FGFR3: variants seen among roughly 807,000 people sequenced by gnomAD.
FGFR3 encodes FGFR-3.
A neutral mutation model predicts 82.9 loss-of-function variants in FGFR3; 25 were observed. The ratio of observed to expected loss-of-function variants is 0.30; its 90% CI spans 0.22 to 0.42. The LOEUF (loss-of-function observed/expected upper bound fraction) is 0.42. Ranked by LOEUF, FGFR3 falls within the 10% of genes least tolerant of loss-of-function variation. The pLI is 1.00. For missense variants in FGFR3, 1,026 were observed against 1,161.0 expected, an observed-to-expected ratio of 0.88 and a Z score of 1.69; for synonymous variants, 620 against 516.0, an observed-to-expected ratio of 1.20 and a Z score of -2.73.
chr4:1,800,742 A>T (rs1436233485), intron 4 of FGFR3, among the ~76,000 whole-genome samples: 2 of 152,016 alleles, frequency 1.3e-5, no homozygotes, highest in Non-Finnish European at 2.9e-5. Context: ...CCTTGCCTGG[A>T]GTCCCGGCAG....
chr4:1,796,040 G>C (rs1470824380), intron 2 of FGFR3, among the ~76,000 whole-genome samples: 2 of 152,166 alleles, frequency 1.3e-5, no homozygotes, highest in Non-Finnish European at 2.9e-5. Context: ...AGCTGAGCTT[G>C]AGTGGGAGCC....
rs2108814105 is a variant in FGFR3, at chr4:1,806,838, C to A, written c.2178C>A (p.Ile726=). 1.9e-6 allele frequency: 3 copies of A among 1,608,018 alleles called. No individual in the cohort carries two copies. The highest frequency in any genetic ancestry group is 2.5e-6 in the Non-Finnish European group (3 of 1,178,094). ...AGCGCCCTGCCCGCAGGTACATGAT[C>A]ATGCGGGAGTGCTGGCATGCCGCGC... The part of the protein sequence containing the change: ...PANCTHDLYM[I]MRECWHAAPS... The change falls in exon 17 of 18, where the codon ATC becomes ATA. Residue 726 remains isoleucine (I), a synonymous_variant. Coordinates refer to ENST00000440486, the MANE Select transcript of FGFR3 (RefSeq NM_000142.5).
chr4:1,804,698 A>G (rs952602289), intron 9 of FGFR3, 126 bp from the exon 10 acceptor site: 2 of 1,432,756 alleles, frequency 1.4e-6, no homozygotes, highest in East Asian at 2.5e-5. Context: ...GAAACATTCT[A>G]AAAATCTTCA....
chr4:1,804,746 G>A (rs956976113), intron 9 of FGFR3, 78 bp from the exon 10 acceptor site: 1 of 1,532,210 alleles, frequency 6.5e-7, no homozygotes. Context: ...CCCCCTTCTG[G>A]CCCAGCACTG....
Position 1,807,594 on chromosome 4 carries a change from G to C in FGFR3, c.*332G>C. The C allele has an allele frequency of 1.5e-6, 1 of 679,836 alleles. No individual in the cohort carries two copies. Among genetic ancestry groups the C allele is most frequent in the Non-Finnish European group, 2.8e-6 (1 of 361,852 alleles). The allele number at this position is 679,836 out of a possible 1,614,324, so 42.1% of individuals were successfully genotyped here. ...GGCCCACCCGGTGGGACCCCCGTGG[G>C]GCAGGGAGCTGGGCCCGACATGGCT... On this transcript the variant is annotated 3_prime_UTR_variant, in exon 18 of 18. Coordinates refer to ENST00000440486, the MANE Select transcript of FGFR3 (RefSeq NM_000142.5).
At chr4:1,806,425 C>T (rs1044844519) in intron 15 of FGFR3, 98 bp downstream of exon 15, 1 of 1,604,116 alleles carries the variant, frequency 6.2e-7, no homozygotes, top group Non-Finnish European at 8.5e-7. Context: ...CCTGGAGCTC[C>T]TGGGTGTGGT....
chr4:1,801,799 G>A (rs750160092), intron 6 of FGFR3, 36 bp from the exon 7 acceptor site: 4 of 1,598,034 alleles, frequency 2.5e-6, no homozygotes, highest in East Asian at 2.3e-5. Flanking sequence ...GGTGGTGAGG[G>A]AGGGGGTGGC....
At chr4:1,801,219 G>C in intron 4 of FGFR3, 148 bp from the exon 5 acceptor site, 1 of 850,988 alleles carries the variant, frequency 1.2e-6, no homozygotes. Flanking sequence ...AGATGTGGAG[G>C]CTCCTGGGAA....
Position 1,801,677 on chromosome 4 carries a change from A to G in FGFR3, c.673A>G (p.Asn225Asp). 1 of 1,611,432 alleles carries G rather than the reference A, an allele frequency of 6.2e-7. No individual in the cohort carries two copies. The highest frequency in any genetic ancestry group is 8.5e-7 in the Non-Finnish European group (1 of 1,179,370). The change falls in exon 6 of 18, where the codon AAC becomes GAC. Residue 225 changes from asparagine to aspartate, a missense_variant. Transcript: ENST00000440486. ...AAGCGTGGTGCCCTCGGACCGCGGC[A>G]ACTACACCTGCGTCGTGGAGAACAA... Reference protein sequence around the residue: ...MESVVPSDRGNYTCVVENKFG... With the variant: ...MESVVPSDRGDYTCVVENKFG...
chr4:1,805,993 C>T (rs1721863102), intron 13 of FGFR3, 53 bp downstream of exon 13: 5 of 1,610,912 alleles, frequency 3.1e-6, no homozygotes, highest in South Asian at 1.1e-5. Flanking sequence ...CCCTGAGATG[C>T]TGGGAGCAGC....
At chr4:1,795,949 C>T (rs955048094) in intron 2 of FGFR3, among the ~76,000 whole-genome samples, 2 of 152,184 alleles carry the variant, frequency 1.3e-5, no homozygotes, top group African/African-American at 2.4e-5. Context: ...AGCCTAGGAA[C>T]CCCTTGTTAC....
Position 1,804,386 on chromosome 4 carries a change from A to C in FGFR3, c.1132A>C (p.Ser378Arg), listed in dbSNP as rs1254373732. The change falls in exon 9 of 18, where the codon AGC (serine) becomes CGC (arginine). Residue 378 changes from serine (S) to arginine (R), a missense_variant. By Grantham distance (110) the Ser-to-Arg change is moderately radical. Coordinates refer to ENST00000440486, the MANE Select transcript of FGFR3 (RefSeq NM_000142.5). ...GGGCAGTGTGTATGCAGGCATCCTC[A>C]GCTACGGGGTGGGCTTCTTCCTGTT... ...EAGSVYAGIL[S>R]YGVGFFLFIL... is the part of the protein sequence containing the mutation. The C allele has an allele frequency of 1.2e-6, 2 of 1,612,972 alleles. No homozygotes were observed. Among genetic ancestry groups the C allele is most frequent in the Non-Finnish European group, 8.5e-7 (1 of 1,179,658 alleles).
At chr4:1,801,341 G>A (rs761346525) in intron 4 of FGFR3, 26 bp from the exon 5 acceptor site, 80 of 1,545,866 alleles carry the variant, frequency 5.2e-5, no homozygotes, top group Non-Finnish European at 6.4e-5. Flanking sequence ...TCGGGTCATG[G>A]CCTTCACACG....
intron 10 of FGFR3, 130 bp from the exon 11 acceptor site, chr4:1,805,225 G>GGGAGCAT: frequency 1.3e-6 from 2 of 1,517,766 alleles, no homozygotes; most frequent in Non-Finnish European, 8.9e-7. Context: ...AGGCTGTAGG[G>GGGAGCAT]GGAGCATGGA....
rs1722048540 is a variant in FGFR3 at position 1,807,209 on chromosome 4, G to C, written c.2368G>C (p.Ala790Pro). The change falls in exon 18 of 18, where the codon GCC becomes CCC. Residue 790 changes from alanine to proline, a missense_variant. Ala to Pro is a conservative substitution (Grantham distance 27). Transcript: ENST00000440486. ...CTCCTCAGGGGACGACTCCGTGTTT[G>C]CCCACGACCTGCTGCCCCCGGCCCC... ...SSSSGDDSVFAHDLLPPAPPS... is the reference protein window; with the variant it reads ...SSSSGDDSVFPHDLLPPAPPS... The C allele has an allele frequency of 5.6e-6, 9 of 1,608,600 alleles. No homozygotes were observed. The highest frequency in any genetic ancestry group is 2.2e-5 in the East Asian group (1 of 44,680).
chr4:1,800,531 A>T (rs1327211640), intron 4 of FGFR3, among the ~76,000 whole-genome samples: 7 of 151,834 alleles, frequency 4.6e-5, no homozygotes, highest in Admixed American at 4.6e-4. Flanking sequence ...AGTCCATGAG[A>T]GAAACAGCTG....
Position 1,803,425 on chromosome 4 carries a change from G to A in FGFR3, c.931-267G>A, listed in dbSNP as rs1018626474. On this transcript the variant is annotated intron_variant, in intron 7 of 17. Transcript: ENST00000440486. ...GTCCATCCTCCACCTGCACCCGCCC[G>A]GCTCTGCGCTAACCCGCATGCTGCC... Among the ~76,000 whole-genome samples the A allele has an allele frequency of 9.2e-5, 14 of 152,330 alleles. 1 individual carries two copies. In the Middle Eastern group the frequency reaches 0.02, roughly 222 times the overall value.
chr4:1,801,276 G>A, intron 4 of FGFR3, 91 bp from the exon 5 acceptor site: 2 of 1,391,718 alleles, frequency 1.4e-6, no homozygotes, highest in East Asian at 2.5e-5. Flanking sequence ...TGAGGCTGGG[G>A]ATGGGCAGGG....
At position 1,801,440 on chromosome 4, in the gene FGFR3, C is replaced by T; in HGVS notation, c.519C>T (p.Arg173=). 4 of 1,552,834 alleles carry T rather than the reference C, an allele frequency of 2.6e-6. No homozygotes were observed. The highest frequency in any genetic ancestry group is 3.5e-6 in the Non-Finnish European group (4 of 1,148,612). Residue 173 remains arginine (R), a synonymous_variant, in exon 5 of 18, where the codon CGC becomes CGT. Transcript: ENST00000440486. The part of the protein sequence containing the change: ...LLAVPAANTV[R]FRCPAAGNPT... ...CCGTGCCGGCCGCCAACACCGTCCG[C>T]TTCCGCTGCCCAGCCGCTGGCAACC...
Sources: gnomAD v4.1 joint callset for allele counts (sites outside exome capture counted in the v4.1 genomes callset) on GRCh38, gnomAD v4.1.1 for gene constraint, MANE v1.5 for transcripts, NCBI Gene and HGNC (gene_info 2026-07-23, HGNC 2026-07-21) for gene names.